ROBO1: variants seen among roughly 807,000 people sequenced by gnomAD.
ROBO1 encodes the protein roundabout guidance receptor 1, also known as roundabout homolog 1.
ROBO1 carries 149 observed loss-of-function variants against 195.9 expected under a neutral mutation model. That is an observed-to-expected ratio of 0.76 (90% confidence interval 0.67 to 0.87). ROBO1 has a LOEUF of 0.87. Among genes scored for constraint, ROBO1 ranks in the 40% least tolerant of loss-of-function variants. The probability of loss-of-function intolerance (pLI) is 0.00; values close to 1 mark genes in which losing one functional copy is unlikely to be tolerated. For missense variants in ROBO1, 1,933 were observed against 2,068.3 expected (o/e 0.93, Z 1.27); for synonymous variants, 816 against 733.2 (o/e 1.11, Z -1.82).
chr3:79,344,207 C>A (rs4362686), intron 2 of ROBO1, among the ~76,000 whole-genome samples: 1 of 151,886 alleles, frequency 6.6e-6, no homozygotes, highest in African/African-American at 2.4e-5. Context: ...ATGGAAGTAC[C>A]CTTCCAGATT....
chr3:79,584,081 A>G (rs1180728912), intron 2 of ROBO1, among the ~76,000 whole-genome samples: 1 of 151,954 alleles, frequency 6.6e-6, no homozygotes, highest in Non-Finnish European at 1.5e-5. Flanking sequence ...TAATTCAAAT[A>G]AGCTCTCAAC....
chr3:79,252,184 A>T (rs2082742621), intron 2 of ROBO1, among the ~76,000 whole-genome samples: 1 of 152,178 alleles, frequency 6.6e-6, no homozygotes, highest in South Asian at 2.1e-4. Context: ...ATTAATATTA[A>T]ATATACAACT....
intron 2 of ROBO1, among the ~76,000 whole-genome samples, chr3:79,233,931 T>C (rs1341777874): frequency 6.6e-6 from 1 of 152,148 alleles, no homozygotes; most frequent in African/African-American, 2.4e-5. Flanking sequence ...ATTTCTCTGA[T>C]GATTAGTGAC....
chr3:79,553,969 C>T (rs954170375), intron 2 of ROBO1, among the ~76,000 whole-genome samples: 3 of 152,042 alleles, frequency 2.0e-5, no homozygotes, highest in Non-Finnish European at 4.4e-5. Flanking sequence ...TGTGGAACTG[C>T]ATAAACAGTG....
At chr3:79,026,970 TC>T (rs1159002715) in intron 3 of ROBO1, among the ~76,000 whole-genome samples, 1 of 152,102 alleles carries the variant, frequency 6.6e-6, no homozygotes, top group African/African-American at 2.4e-5. Context: ...GGGATTTATG[TC>T]TTATTTAGTG....
chr3:79,656,402 C>T (rs1252627625), intron 1 of ROBO1, among the ~76,000 whole-genome samples: 10 of 151,490 alleles, frequency 6.6e-5, no homozygotes, highest in South Asian at 2.1e-4. Flanking sequence ...TTTAGGAGGG[C>T]GAACCATTCT....
intron 2 of ROBO1, among the ~76,000 whole-genome samples, chr3:79,357,287 G>T (rs116557190): frequency 6.7e-4 from 102 of 152,168 alleles, no homozygotes; most frequent in African/African-American, 2.3e-3. Flanking sequence ...TAACCTTTGA[G>T]AGCCCACCCT....
chr3:79,216,067 T>C (rs1576827242), intron 2 of ROBO1, among the ~76,000 whole-genome samples: 1 of 152,134 alleles, frequency 6.6e-6, no homozygotes, highest in Non-Finnish European at 1.5e-5. Context: ...AAAGACCTCA[T>C]CACAAATTCT....
intron 1 of ROBO1, among the ~76,000 whole-genome samples, chr3:79,591,661 C>T (rs909255727): frequency 7.2e-5 from 11 of 151,864 alleles, no homozygotes; most frequent in Non-Finnish European, 2.9e-5. Context: ...CCATACTATG[C>T]AGTTATTAGT....
At chr3:78,662,427 C>A (rs71324647) in intron 14 of ROBO1, among the ~76,000 whole-genome samples, 2,303 of 152,174 alleles carry the variant, frequency 0.015, 26 homozygotes, top group Non-Finnish European at 0.023. Flanking sequence ...CGATCACTTT[C>A]CTGATGAAAA....
intron 3 of ROBO1, among the ~76,000 whole-genome samples, chr3:78,980,738 T>C (rs891328184): frequency 1.3e-5 from 2 of 152,284 alleles, no homozygotes; most frequent in East Asian, 3.9e-4. Flanking sequence ...TTTTCCCCCT[T>C]GCTTTGGTAT....
At chr3:79,579,499 G>C (rs9825205) in intron 2 of ROBO1, among the ~76,000 whole-genome samples, 76,517 of 151,906 alleles carry the variant, frequency 0.5, 19,428 homozygotes, top group African/African-American at 0.54. Flanking sequence ...AAATTGCCAA[G>C]TCTTTTGGAA....
At chr3:79,402,025 G>T (rs1043496126) in intron 2 of ROBO1, among the ~76,000 whole-genome samples, 2 of 151,586 alleles carry the variant, frequency 1.3e-5, no homozygotes, top group East Asian at 3.9e-4. Flanking sequence ...AACGCATTTT[G>T]ATTCTTTTTT....
At chr3:78,708,616 A>G (rs541759459) in intron 8 of ROBO1, among the ~76,000 whole-genome samples, 2 of 152,336 alleles carry the variant, frequency 1.3e-5, no homozygotes, top group Admixed American at 1.3e-4. Flanking sequence ...AAAATAATAT[A>G]AAAACAAACC....
rs987737531 is a variant in ROBO1 at position 79,737,289 on chromosome 3, G to A, written c.-51+30463C>T. On this transcript the variant is annotated intron_variant, in intron 1 of 30. Transcript: ENST00000464233. ...TTACATAATAAGCAGGACAAAGAAA[G>A]TGGAGGAGAAAGCAAATAATCAGAA... 3.3e-5 allele frequency among the ~76,000 whole-genome samples: 5 copies of A among 152,296 alleles called. 1 individual carries two copies. In the East Asian group the frequency reaches 9.6e-4, roughly 29 times the overall value.
At chr3:79,001,171 T>A (rs13095492) in intron 3 of ROBO1, among the ~76,000 whole-genome samples, 15 of 151,966 alleles carry the variant, frequency 9.9e-5, no homozygotes, top group Non-Finnish European at 1.9e-4. Flanking sequence ...ACCTAATGCA[T>A]GCAGGGCTTA....
chr3:79,059,050 G>T (rs986152514), intron 3 of ROBO1, among the ~76,000 whole-genome samples: 1 of 152,036 alleles, frequency 6.6e-6, no homozygotes, highest in African/African-American at 2.4e-5. Flanking sequence ...AATGATTTAA[G>T]ACAGTCTGTT....
chr3:78,681,152 G>T (rs2080895238), intron 10 of ROBO1, among the ~76,000 whole-genome samples: 1 of 151,450 alleles, frequency 6.6e-6, no homozygotes, highest in Non-Finnish European at 1.5e-5. Flanking sequence ...ATGGACACAG[G>T]AAGGGGAACA....
intron 2 of ROBO1, among the ~76,000 whole-genome samples, chr3:79,200,092 C>T (rs1395798640): frequency 6.6e-6 from 1 of 151,700 alleles, no homozygotes; most frequent in East Asian, 1.9e-4. Flanking sequence ...TAAAGCAAAG[C>T]AGAGAAATAA....
Sources: gnomAD v4.1 joint callset for allele counts (sites outside exome capture counted in the v4.1 genomes callset) on GRCh38, gnomAD v4.1.1 for gene constraint, MANE v1.5 for transcripts, NCBI Gene and HGNC (gene_info 2026-07-23, HGNC 2026-07-21) for gene names.